The following ZNF610 variants were observed in gnomAD, a reference collection of about 807,000 sequenced individuals.
ZNF610 encodes the protein zinc finger protein 610.
A neutral mutation model predicts 14.1 loss-of-function variants in ZNF610; 14 were observed. That is an observed-to-expected ratio of 0.99 (90% confidence interval 0.65 to 1.55). The LOEUF is 1.55. Ranked by LOEUF, ZNF610 falls within the 40% of genes most tolerant of loss-of-function variation. The pLI, the probability that ZNF610 is intolerant of heterozygous loss-of-function variation, is 0.00. For synonymous variants in ZNF610, 185 were observed against 187.6 expected (o/e 0.99, Z 0.11); for missense variants, 530 against 558.0 (o/e 0.95, Z 0.51).
rs186883631 is a variant in ZNF610 at position 52,344,346 on chromosome 19, T to G, written c.-257-3361T>G. On this transcript the variant is annotated intron_variant, in intron 1 of 5. Coordinates refer to ENST00000403906, the MANE Select transcript of ZNF610 (RefSeq NM_001161425.2). ...CCCCCCATAGCCCCCGATTTAACAC[T>G]CCAGCCTGACCCCACCCCAACTCTC... Among the ~76,000 whole-genome samples, 449 of 151,794 alleles carry G rather than the reference T, an allele frequency of 3.0e-3. 3 individuals are homozygous for G. The highest frequency in any genetic ancestry group is 0.011 in the Admixed American group (163 of 15,244).
chr19:52,344,357 C>T (rs1462495226), intron 1 of ZNF610, among the ~76,000 whole-genome samples: 1 of 151,996 alleles, frequency 6.6e-6, no homozygotes. Context: ...CCAGCCTGAC[C>T]CCACCCCAAC....
intron 5 of ZNF610, among the ~76,000 whole-genome samples, chr19:52,358,143 T>C (rs758221676): frequency 7.9e-5 from 12 of 152,204 alleles, no homozygotes; most frequent in Non-Finnish European, 1.8e-4. Flanking sequence ...TTTTGTAGCA[T>C]ATAAAGAAAT....
Position 52,349,611 on chromosome 19 carries a change from C to T in ZNF610, c.63+376C>T, listed in dbSNP as rs548795587. On this transcript the variant is annotated intron_variant, in intron 3 of 5. Transcript: ENST00000403906. ...TTTTTGAGACAGAGTCTTGCTGTGT[C>T]ACCCAGGCTGGAGTGCAGTGGCACG... Among the ~76,000 whole-genome samples the T allele has an allele frequency of 3.6e-3, 532 of 149,214 alleles. 3 individuals carry two copies. The highest frequency in any genetic ancestry group is 0.013 in the African/African-American group (507 of 40,458).
chr19:52,333,508 C>T (rs930350914), upstream of ZNF610, among the ~76,000 whole-genome samples: 11 of 152,202 alleles, frequency 7.2e-5, no homozygotes, highest in Non-Finnish European at 1.0e-4. Context: ...GGCTATGATT[C>T]TCTGCTAAGA....
chr19:52,360,263 G>A (rs572964731), intron 5 of ZNF610, among the ~76,000 whole-genome samples: 2 of 152,308 alleles, frequency 1.3e-5, no homozygotes, highest in East Asian at 1.9e-4. Flanking sequence ...GAGAGGTTCT[G>A]TTTCCTGAGT....
chr19:52,345,448 G>A (rs1984892216), intron 1 of ZNF610: 1 of 152,230 alleles, frequency 6.6e-6, no homozygotes, highest in South Asian at 2.1e-4. Context: ...TAACCTGGGT[G>A]TGGGTGAGGA....
At chr19:52,349,899 T>C (rs1985168033) in intron 3 of ZNF610, among the ~76,000 whole-genome samples, 1 of 152,174 alleles carries the variant, frequency 6.6e-6, no homozygotes, top group African/African-American at 2.4e-5. Context: ...CACAAGTACC[T>C]GGTACATTCT....
intron 5 of ZNF610, among the ~76,000 whole-genome samples, chr19:52,356,717 C>T (rs982577016): frequency 6.6e-6 from 1 of 152,054 alleles, no homozygotes; most frequent in Non-Finnish European, 1.5e-5. Context: ...AAATGTATTA[C>T]AGTGTATAAT....
At chr19:52,360,419 T>C (rs779312046) in intron 5 of ZNF610, among the ~76,000 whole-genome samples, 39 of 152,250 alleles carry the variant, frequency 2.6e-4, no homozygotes, top group South Asian at 6.2e-4. Context: ...CAGTCTTCCC[T>C]GGACACCAAG....
intron 5 of ZNF610, among the ~76,000 whole-genome samples, chr19:52,359,256 A>G (rs1985669160): frequency 6.6e-6 from 1 of 152,168 alleles, no homozygotes; most frequent in Non-Finnish European, 1.5e-5. Flanking sequence ...AAGACTTACA[A>G]TCCATAAACA....
In ZNF610 at chr19:52,347,740, C is replaced by G. The variant is rs1216754527; in HGVS notation, c.-224C>G. On this transcript the variant is annotated 5_prime_UTR_variant, in exon 2 of 6. Transcript: ENST00000403906. ...GTGTTGCCATGTTGTCCAAACTGGT[C>G]TCGAAATTCTGGAGTCAAGCAGTCT... 6.6e-6 allele frequency: 1 copy of G among 152,136 alleles called. No individual in the cohort carries two copies. The highest frequency in any genetic ancestry group is 1.5e-5 in the Non-Finnish European group (1 of 68,032). 9.4% of individuals were successfully genotyped at this position (152,136 alleles called of 1,614,324 possible).
rs560562579 is a variant in ZNF610 at position 52,338,981 on chromosome 19, G to A, written c.-258+2475G>A. ...TATTGATCACTATCTCTACCATCTC[G>A]GAGAGGGGGATGTGGCAGGACAAAG... On this transcript the variant is annotated intron_variant, in intron 1 of 5. Transcript: ENST00000403906. Among the ~76,000 whole-genome samples, 602 of 152,118 alleles carry A rather than the reference G, an allele frequency of 4.0e-3. 11 individuals are homozygous for A. Among genetic ancestry groups the A allele is most frequent in the Admixed American group, 0.033 (498 of 15,290 alleles).
intron 1 of ZNF610, among the ~76,000 whole-genome samples, chr19:52,339,472 G>A (rs1984563043): frequency 6.6e-6 from 1 of 152,050 alleles, no homozygotes; most frequent in African/African-American, 2.4e-5. Context: ...CTCGAGACTG[G>A]AGAATGGCGA....
At chr19:52,346,488 G>T (rs1984966217) in intron 1 of ZNF610, among the ~76,000 whole-genome samples, 1 of 152,054 alleles carries the variant, frequency 6.6e-6, no homozygotes, top group Non-Finnish European at 1.5e-5. Flanking sequence ...ACTAGAGGCA[G>T]GGTTTTACCA....
At chr19:52,354,514 G>A in intron 5 of ZNF610, 135 bp downstream of exon 5, 2 of 984,382 alleles carry the variant, frequency 2.0e-6, no homozygotes, top group East Asian at 5.4e-5. Context: ...CTGGACTCAA[G>A]CAATCCTCCT....
rs369512727 is a variant in ZNF610, at chr19:52,339,848, G to A, written c.-258+3342G>A. On this transcript the variant is annotated intron_variant, in intron 1 of 5. Coordinates refer to ENST00000403906, the MANE Select transcript of ZNF610 (RefSeq NM_001161425.2). ...CTACTCTTGTATTTTTAATAGAGATGGGGTTTCTCCATGTTGGTCAGGCTG... is the reference window on the plus strand; with the variant it reads ...CTACTCTTGTATTTTTAATAGAGATAGGGTTTCTCCATGTTGGTCAGGCTG... Among the ~76,000 whole-genome samples, 25 of 152,212 alleles carry A rather than the reference G, an allele frequency of 1.6e-4. 1 individual carries two copies. The highest frequency in any genetic ancestry group is 6.0e-4 in the African/African-American group (25 of 41,548).
At chr19:52,339,459 G>GTA (rs1984561099) in intron 1 of ZNF610, among the ~76,000 whole-genome samples, 1 of 146,142 alleles carries the variant, frequency 6.8e-6, no homozygotes, top group Non-Finnish European at 1.5e-5. Context: ...GTGTCCCTGG[G>GTA]TACTCGAGAC....
intron 5 of ZNF610, among the ~76,000 whole-genome samples, chr19:52,358,862 T>G (rs1468416665): frequency 6.6e-6 from 1 of 152,216 alleles, no homozygotes; most frequent in Non-Finnish European, 1.5e-5. Context: ...CATTCCTTTC[T>G]TGTGGATATC....
At chr19:52,349,716 C>G (rs1985156084) in intron 3 of ZNF610, among the ~76,000 whole-genome samples, 1 of 151,926 alleles carries the variant, frequency 6.6e-6, no homozygotes, top group Admixed American at 6.6e-5. Flanking sequence ...ATTACAGGTG[C>G]CTGCCACCAC....
Sources: allele counts gnomAD v4.1 joint callset (sites outside exome capture counted in the v4.1 genomes callset), GRCh38; gene constraint gnomAD v4.1.1; transcripts MANE v1.5; gene names NCBI Gene and HGNC (gene_info 2026-07-23, HGNC 2026-07-21).